Variants in KCNMB4 observed in about 807,000 individuals in gnomAD.
KCNMB4 encodes calcium-activated potassium channel subunit beta-4.
Under a neutral mutation model 20.7 loss-of-function variants are expected in KCNMB4, and 3 were observed. That is an observed-to-expected ratio of 0.14 (90% CI 0.07 to 0.37). The LOEUF is 0.37. Ranked by LOEUF, KCNMB4 falls within the 10% of genes least tolerant of loss-of-function variation. The pLI is 1.00. For missense variants in KCNMB4, 168 were observed against 265.9 expected (o/e 0.63, Z 2.56); for synonymous variants, 110 against 113.4 (o/e 0.97, Z 0.19).
chr12:70,386,733 C>T (rs1256963847), intron 1 of KCNMB4, among the ~76,000 whole-genome samples: 5 of 151,854 alleles, frequency 3.3e-5, no homozygotes, highest in African/African-American at 1.2e-4. Context: ...TGCATAGATG[C>T]TGGTACAAGG....
chr12:70,396,508 G>C (rs1271076200), intron 1 of KCNMB4, among the ~76,000 whole-genome samples: 1 of 152,142 alleles, frequency 6.6e-6, no homozygotes, highest in Non-Finnish European at 1.5e-5. Flanking sequence ...GTTTTACCCT[G>C]CTGTCCAGGC....
Position 70,366,368 on chromosome 12 carries a change from C to A in KCNMB4, c.-367C>A, listed in dbSNP as rs1883487637. On this transcript the variant is annotated 5_prime_UTR_variant, in exon 1 of 3. Coordinates refer to ENST00000258111, the MANE Select transcript of KCNMB4 (RefSeq NM_014505.6). ...GCGGGCGATGGAGACAGAGAGACAC[C>A]CGACGAGAGGAGGCGGGGTGGGGGA... The A allele has an allele frequency of 6.6e-6, 1 of 151,360 alleles. No individual in the cohort carries two copies. The highest frequency in any genetic ancestry group is 1.5e-5 in the Non-Finnish European group (1 of 67,792). The allele number at this position is 151,360 out of a possible 1,614,324, so 9.4% of individuals were successfully genotyped here.
chr12:70,391,512 C>A (rs542496005), intron 1 of KCNMB4, among the ~76,000 whole-genome samples: 1 of 152,210 alleles, frequency 6.6e-6, no homozygotes, highest in South Asian at 2.1e-4. Context: ...TGCTATGTTG[C>A]CCTGGCTAGT....
At chr12:70,375,048 AC>A (rs1883661867) in intron 1 of KCNMB4, among the ~76,000 whole-genome samples, 2 of 152,296 alleles carry the variant, frequency 1.3e-5, no homozygotes, top group East Asian at 3.9e-4. Context: ...TATTTTAATT[AC>A]CTTTTGTTTT....
At chr12:70,371,257 A>G (rs1216920437) in intron 1 of KCNMB4, among the ~76,000 whole-genome samples, 1 of 152,196 alleles carries the variant, frequency 6.6e-6, no homozygotes, top group Admixed American at 6.5e-5. Flanking sequence ...CCAGTACTCT[A>G]GAAGTGAGAG....
At chr12:70,427,237 G>A (rs1482243580) in intron 2 of KCNMB4, among the ~76,000 whole-genome samples, 1 of 152,158 alleles carries the variant, frequency 6.6e-6, no homozygotes, top group African/African-American at 2.4e-5. Flanking sequence ...TCTGAAAACT[G>A]CCTGCCTGAT....
chr12:70,383,811 G>C (rs1320616725), intron 1 of KCNMB4, among the ~76,000 whole-genome samples: 1 of 152,192 alleles, frequency 6.6e-6, no homozygotes, highest in East Asian at 1.9e-4. Context: ...GCTTACGCCT[G>C]TAATCCCAGC....
chr12:70,407,676 C>A (rs933620535), intron 2 of KCNMB4, among the ~76,000 whole-genome samples: 7 of 151,660 alleles, frequency 4.6e-5, no homozygotes, highest in Non-Finnish European at 8.8e-5. Context: ...ACCGTGTTAG[C>A]CAGGATGGTC....
intron 2 of KCNMB4, among the ~76,000 whole-genome samples, chr12:70,413,101 A>T (rs1036336560): frequency 6.6e-6 from 1 of 152,164 alleles, no homozygotes; most frequent in Non-Finnish European, 1.5e-5. Context: ...TGTACTTTTT[A>T]AAAAAAGCAG....
chr12:70,390,399 A>T lies in KCNMB4; in HGVS notation c.337-9810A>T, dbSNP rs533325435. ...ATACAGTGGGTAAAATGGTAAATTG[A>T]TGTTGCATGTTCAGGCATTCAGACC... On this transcript the variant is annotated intron_variant, in intron 1 of 2. Transcript: ENST00000258111. 2.1e-4 allele frequency among the ~76,000 whole-genome samples: 32 copies of T among 152,332 alleles called. No homozygotes were observed. In the South Asian group the frequency reaches 5.6e-3, roughly 27 times the overall value.
At chr12:70,376,214 C>T (rs1420376850) in intron 1 of KCNMB4, among the ~76,000 whole-genome samples, 1 of 149,770 alleles carries the variant, frequency 6.7e-6, no homozygotes, top group Non-Finnish European at 1.5e-5. Flanking sequence ...AAAAGGACAC[C>T]TATGAAAAAG....
At chr12:70,423,818 G>A (rs1869135050) in intron 2 of KCNMB4, among the ~76,000 whole-genome samples, 1 of 152,112 alleles carries the variant, frequency 6.6e-6, no homozygotes, top group Non-Finnish European at 1.5e-5. Context: ...ATCATTGGTA[G>A]ACCCCAGTGG....
At chr12:70,402,940 C>G (rs1868495639) in intron 2 of KCNMB4, among the ~76,000 whole-genome samples, 1 of 152,162 alleles carries the variant, frequency 6.6e-6, no homozygotes, top group Non-Finnish European at 1.5e-5. Flanking sequence ...TTCCCACAGG[C>G]AACCTCCCTT....
chr12:70,396,462 C>T (rs1361182271), intron 1 of KCNMB4, among the ~76,000 whole-genome samples: 2 of 152,132 alleles, frequency 1.3e-5, no homozygotes, highest in African/African-American at 2.4e-5. Flanking sequence ...TGTGCCACCA[C>T]GCCCTGCTAA....
intron 1 of KCNMB4, among the ~76,000 whole-genome samples, chr12:70,397,340 C>A (rs1277564820): frequency 3.3e-5 from 5 of 152,006 alleles, no homozygotes; most frequent in Non-Finnish European, 7.4e-5. Flanking sequence ...AGAGCAAGTC[C>A]TTGACTCTTG....
At chr12:70,372,934 G>A (rs189849339) in intron 1 of KCNMB4, among the ~76,000 whole-genome samples, 3 of 152,186 alleles carry the variant, frequency 2.0e-5, no homozygotes, top group Admixed American at 6.5e-5. Context: ...AAGGGAGGCA[G>A]GGTGGAATGA....
At position 70,430,695 on chromosome 12, in the gene KCNMB4, C is replaced by T. The variant is rs749656064; in HGVS notation, c.*42C>T. Reference sequence around the variant, plus strand: ...TAGAAAGCAAAGTACAGAAGCTGTACTCATCGGCACGCGTCCACCTGCGGA... The same window carrying T: ...TAGAAAGCAAAGTACAGAAGCTGTATTCATCGGCACGCGTCCACCTGCGGA... On this transcript the variant is annotated 3_prime_UTR_variant, in exon 3 of 3. Coordinates refer to ENST00000258111, the MANE Select transcript of KCNMB4 (RefSeq NM_014505.6). 6.6e-7 allele frequency: 1 copy of T among 1,520,434 alleles called. No homozygotes were observed. Among genetic ancestry groups the T allele is most frequent in the Non-Finnish European group, 8.8e-7 (1 of 1,139,736 alleles). The allele number at this position is 1,520,434 out of a possible 1,614,324, so 94.2% of individuals were successfully genotyped here. A position where few individuals can be genotyped will look rare whatever the true frequency, so the allele number is the denominator to read the frequency against.
chr12:70,399,854 G>T (rs995149123), intron 1 of KCNMB4, among the ~76,000 whole-genome samples: 3 of 152,146 alleles, frequency 2.0e-5, no homozygotes, highest in Admixed American at 6.5e-5. Flanking sequence ...AGCAATTGGG[G>T]ATAAAAATAA....
chr12:70,367,429 A>G lies in KCNMB4; in HGVS notation c.336+359A>G, dbSNP rs1334261553. On this transcript the variant is annotated intron_variant, in intron 1 of 2. Coordinates refer to ENST00000258111, the MANE Select transcript of KCNMB4 (RefSeq NM_014505.6). ...TTTCCTCCATTTAAAGCCAGTGGTT[A>G]GCGGGGATCCACCTACTCCAGCTCA... Among the ~76,000 whole-genome samples, 6 of 152,282 alleles carry G rather than the reference A, an allele frequency of 3.9e-5. No individual in the cohort carries two copies. In the East Asian group the frequency reaches 7.7e-4, roughly 20 times the overall value.
Sources: gnomAD v4.1 joint callset for allele counts (sites outside exome capture counted in the v4.1 genomes callset) on GRCh38, gnomAD v4.1.1 for gene constraint, MANE v1.5 for transcripts, NCBI Gene and HGNC (gene_info 2026-07-23, HGNC 2026-07-21) for gene names.